MAP7D2: variants seen among roughly 807,000 people sequenced by gnomAD.
The protein encoded by MAP7D2 is MAP7 domain containing 2, also known as MAP7 domain-containing protein 2.
A neutral mutation model predicts 63.5 loss-of-function variants in MAP7D2; 33 were observed. That is an observed-to-expected ratio of 0.52 (90% CI 0.39 to 0.70). MAP7D2 has a LOEUF of 0.70. Ranked by LOEUF, MAP7D2 falls within the 30% of genes least tolerant of loss-of-function variation. The probability of loss-of-function intolerance (pLI) is 0.00; values close to 1 mark genes in which losing one functional copy is unlikely to be tolerated. For missense variants in MAP7D2, 626 were observed against 604.0 expected, an observed-to-expected ratio of 1.04 and a Z score of -0.38; for synonymous variants, 224 against 223.7, an observed-to-expected ratio of 1.00 and a Z score of -0.01.
At chrX:20,101,255 G>A (rs2066428736) in intron 1 of MAP7D2, among the ~76,000 whole-genome samples, 1 of 111,991 alleles carries the variant, frequency 8.9e-6, no homozygotes, top group Non-Finnish European at 1.9e-5. Context: ...GGCAATATCC[G>A]CTAATGCTGA....
chrX:20,061,336 C>A (rs1355245020), intron 3 of MAP7D2, among the ~76,000 whole-genome samples: 1 of 110,986 alleles, frequency 9.0e-6, no homozygotes, highest in East Asian at 2.8e-4. Flanking sequence ...GGCCTCTGTG[C>A]CAGCAGAGCA....
In MAP7D2 at chrX:20,013,095, C is replaced by T. The variant is rs1467452089; in HGVS notation, c.1844G>A (p.Cys615Tyr). 1 of 1,211,371 alleles carries T rather than the reference C, an allele frequency of 8.3e-7. No individual in the cohort carries two copies. Among genetic ancestry groups the T allele is most frequent in the East Asian group, 3.0e-5 (1 of 33,847 alleles). Residue 615 changes from cysteine (C) to tyrosine (Y), a missense_variant, in exon 14 of 17, where the codon TGT becomes TAT. Cys to Tyr is a radical substitution (Grantham distance 194). Coordinates refer to ENST00000379643, the MANE Select transcript of MAP7D2 (RefSeq NM_001168465.2). ...AACCAGTTTTGTCTTCTTTTCCACACACACAGCAGGCTGGACCCCCACTTT... is the reference window on the plus strand; with the variant it reads ...AACCAGTTTTGTCTTCTTTTCCACATACACAGCAGGCTGGACCCCCACTTT... ...DPKVGVQPAV[C>Y]VEKKTKLVVP...
At chrX:20,082,424 TA>T (rs1332499353) in intron 1 of MAP7D2, among the ~76,000 whole-genome samples, 1 of 111,616 alleles carries the variant, frequency 9.0e-6, no homozygotes, top group Non-Finnish European at 1.9e-5. Context: ...GGAGACAGGT[TA>T]AAAATGATTT....
rs1219179055 is a variant in MAP7D2, at chrX:20,082,377, T to C, written c.131-17572A>G. ...CCTGTCTCTACAAAAAATATTTTTT[T>C]AATTAGAGAGTAAAACTCTTGGTAT... On this transcript the variant is annotated intron_variant, in intron 1 of 16. Coordinates refer to ENST00000379643, the MANE Select transcript of MAP7D2 (RefSeq NM_001168465.2). Among the ~76,000 whole-genome samples, 3 of 111,878 alleles carry C rather than the reference T, an allele frequency of 2.7e-5. No individual in the cohort carries two copies. In the Admixed American group the frequency reaches 2.9e-4, roughly 11 times the overall value.
At chrX:20,019,599 A>C (rs1365330731) in intron 10 of MAP7D2, among the ~76,000 whole-genome samples, 1 of 111,555 alleles carries the variant, frequency 9.0e-6, no homozygotes, top group East Asian at 2.8e-4. Flanking sequence ...CTTAAACTTG[A>C]ATTGTTCAAT....
chrX:20,062,204 G>A (rs945997731), intron 3 of MAP7D2, among the ~76,000 whole-genome samples: 6 of 112,140 alleles, frequency 5.4e-5, no homozygotes, highest in Non-Finnish European at 1.1e-4. Context: ...TTTAATTCCT[G>A]TAACTACCTC....
chrX:20,082,692 G>A (rs976671453), intron 1 of MAP7D2, among the ~76,000 whole-genome samples: 1 of 112,036 alleles, frequency 8.9e-6, no homozygotes, highest in African/African-American at 3.2e-5. Context: ...GCAATGGCGC[G>A]ATCTCGGCTC....
intron 15 of MAP7D2, 136 bp from the exon 16 acceptor site, chrX:20,011,188 T>C: frequency 1.6e-6 from 1 of 613,018 alleles, no homozygotes. Context: ...AGTTTTTGTG[T>C]AACACACTGT....
rs1412510374 is a variant in MAP7D2 at position 20,025,065 on chromosome X, G to A, written c.1298C>T (p.Ala433Val). 2 of 1,207,003 alleles carry A rather than the reference G, an allele frequency of 1.7e-6. No homozygotes were observed. The highest frequency in any genetic ancestry group is 1.8e-5 in the South Asian group (1 of 56,217). ...ENSAALGKPT[A>V]GTTDAGEAAK... The stretch of plus-strand genomic sequence containing the variant: ...AGCCTCTCCTGCATCAGTGGTGCCT[G>A]CTGTGGGCTTCCCCAAGGCTGCACC... Residue 433 changes from alanine (A) to valine (V), a missense_variant, in exon 10 of 17, where the codon GCA (alanine) becomes GTA (valine). Ala to Val is a moderately conservative substitution (Grantham distance 64, BLOSUM62 0). Transcript: ENST00000379643.
intron 1 of MAP7D2, among the ~76,000 whole-genome samples, chrX:20,084,055 G>C (rs2065841927): frequency 9.0e-6 from 1 of 110,848 alleles, no homozygotes; most frequent in Admixed American, 9.6e-5. Context: ...ACAAAAATTA[G>C]CCAGGTGTGG....
At chrX:20,113,579 G>A (rs149348803) in intron 1 of MAP7D2, among the ~76,000 whole-genome samples, 1,127 of 112,117 alleles carry the variant, frequency 0.01, 12 homozygotes, top group African/African-American at 0.034. Flanking sequence ...GTTCAAGAAT[G>A]GTTTTAAACA....
rs1020250550 is a variant in MAP7D2, at chrX:20,042,538, C to T, written c.971G>A (p.Gly324Asp). The part of the protein sequence containing the change: ...SPLRRCEFSG[G>D]IPKRPSSPVI... ...AGGAGAAGATGGTCTCTTAGGAATGCCTCCAGAAAACTCACATCTTCTCAG... is the reference window on the plus strand; with the variant it reads ...AGGAGAAGATGGTCTCTTAGGAATGTCTCCAGAAAACTCACATCTTCTCAG... Residue 324 changes from glycine (G) to aspartate (D), a missense_variant, in exon 8 of 17, where the codon GGC (glycine) becomes GAC (aspartate). Gly to Asp is a moderately conservative substitution (Grantham distance 94). Coordinates refer to ENST00000379643, the MANE Select transcript of MAP7D2 (RefSeq NM_001168465.2). 9 of 1,211,085 alleles carry T rather than the reference C, an allele frequency of 7.4e-6. No homozygotes were observed. Among genetic ancestry groups the T allele is most frequent in the Non-Finnish European group, 8.9e-6 (8 of 894,952 alleles).
intron 1 of MAP7D2, among the ~76,000 whole-genome samples, chrX:20,080,079 C>T (rs1317743621): frequency 9.0e-6 from 1 of 111,561 alleles, no homozygotes; most frequent in Non-Finnish European, 1.9e-5. Context: ...ATCTGGGAGG[C>T]AGGAATTACC....
chrX:20,048,141 C>A (rs1020008425), intron 6 of MAP7D2, among the ~76,000 whole-genome samples: 11 of 111,788 alleles, frequency 9.8e-5, no homozygotes, highest in Admixed American at 1.9e-4. Flanking sequence ...TGGGAACGTA[C>A]ATTTTAGGAC....
At chrX:20,090,721 A>C (rs1201623084) in intron 1 of MAP7D2, among the ~76,000 whole-genome samples, 2 of 112,429 alleles carry the variant, frequency 1.8e-5, no homozygotes, top group Non-Finnish European at 3.8e-5. Flanking sequence ...CAAACACAGG[A>C]CCACAAGGTG....
chrX:20,097,051 T>G (rs2066289359), intron 1 of MAP7D2, among the ~76,000 whole-genome samples: 1 of 111,722 alleles, frequency 9.0e-6, no homozygotes, highest in African/African-American at 3.3e-5. Flanking sequence ...CCTACAACTA[T>G]AAGGCAACCC....
rs747090065 is a variant in MAP7D2 at position 20,008,653 on chromosome X, T to A, written c.*27-255A>T. Among the ~76,000 whole-genome samples, 3 of 112,154 alleles carry A rather than the reference T, an allele frequency of 2.7e-5. No homozygotes were observed. In the South Asian group the frequency reaches 1.1e-3, roughly 41 times the overall value. ...TTTTCTAAAACCTGCAGATATTTAA[T>A]GTCTCAAGCTTTGTCTTTCAAATGC... is the stretch of plus-strand genomic sequence containing the variant. On this transcript the variant is annotated intron_variant, in intron 16 of 16. Coordinates refer to ENST00000379643, the MANE Select transcript of MAP7D2 (RefSeq NM_001168465.2).
chrX:20,054,078 G>A (rs781531898), intron 4 of MAP7D2, among the ~76,000 whole-genome samples: 40 of 112,150 alleles, frequency 3.6e-4, no homozygotes, highest in Non-Finnish European at 3.4e-4. Flanking sequence ...TCTTGACCTC[G>A]TGATCTGCCT....
chrX:20,046,067 T>C (rs2064791671), intron 6 of MAP7D2, among the ~76,000 whole-genome samples: 2 of 112,307 alleles, frequency 1.8e-5, no homozygotes, highest in African/African-American at 6.5e-5. Flanking sequence ...AACAAGTCTC[T>C]GTAGTAGATT....
Sources: gnomAD v4.1 joint callset for allele counts (sites outside exome capture counted in the v4.1 genomes callset) on GRCh38, gnomAD v4.1.1 for gene constraint, MANE v1.5 for transcripts, NCBI Gene and HGNC (gene_info 2026-07-23, HGNC 2026-07-21) for gene names.